Variants in MUC5B observed in about 807,000 individuals in gnomAD.
MUC5B encodes the protein mucin-5B.
In MUC5B, 116 loss-of-function variants were observed where a neutral mutation model predicts 376.9. The observed-to-expected ratio is 0.31, with a 90% CI of 0.26 to 0.36. MUC5B has a LOEUF of 0.36. Ranked by LOEUF, MUC5B falls within the 10% of genes least tolerant of loss-of-function variation. The pLI is 1.00. For missense variants in MUC5B, 7,165 were observed against 7,769.9 expected, an observed-to-expected ratio of 0.92 and a Z score of 2.93; for synonymous variants, 3,517 against 3,390.9, an observed-to-expected ratio of 1.04 and a Z score of -1.29.
At chr11:1,254,474 G>T (rs1034223971) in intron 34 of MUC5B, 123 bp downstream of exon 34, 10 of 1,420,594 alleles carry the variant, frequency 7.0e-6, no homozygotes, top group Non-Finnish European at 9.4e-6. Context: ...CAGCTCCCAG[G>T]GGGCAGGGAA....
chr11:1,225,572 G>C, intron 1 of MUC5B, 109 bp from the exon 2 acceptor site: 2 of 973,750 alleles, frequency 2.1e-6, no homozygotes, highest in African/African-American at 1.6e-5. Flanking sequence ...CCGCCACCAA[G>C]GACCCCACAT....
At chr11:1,225,634 G>T in intron 1 of MUC5B, 47 bp from the exon 2 acceptor site, 1 of 1,536,944 alleles carries the variant, frequency 6.5e-7, no homozygotes, top group Non-Finnish European at 8.8e-7. Flanking sequence ...TTCGTGGCTG[G>T]CAGCCACATC....
chr11:1,261,533 G>A lies in MUC5B; in HGVS notation c.17214G>A (p.Thr5738=), dbSNP rs753651050. ...TYTHVDECGC[T]PFCVPAPMAP... The stretch of plus-strand genomic sequence containing the variant: ...CCCACGTGGATGAGTGTGGCTGCAC[G>A]CCCTTCTGTGTCCCTGCGCCCATGG... The change falls in exon 49 of 49, where the codon ACG becomes ACA. Residue 5738 remains threonine, a synonymous_variant. Transcript: ENST00000529681. The A allele has an allele frequency of 1.6e-5, 25 of 1,607,496 alleles. No homozygotes were observed. Among genetic ancestry groups the A allele is most frequent in the African/African-American group, 4.0e-5 (3 of 74,836 alleles).
chr11:1,239,295 C>A (rs1344372027), intron 26 of MUC5B, 143 bp from the exon 27 acceptor site: 3 of 1,147,450 alleles, frequency 2.6e-6, no homozygotes, highest in Non-Finnish European at 3.6e-6. Flanking sequence ...TGAGGCACCA[C>A]CCGGCCGAGG....
At position 1,260,636 on chromosome 11, in the gene MUC5B, A is replaced by G. The variant is rs372234566; in HGVS notation, c.16977A>G (p.Gln5659=). 1.8e-4 allele frequency: 283 copies of G among 1,612,336 alleles called. No individual in the cohort carries two copies. The highest frequency in any genetic ancestry group is 2.3e-4 in the Non-Finnish European group (268 of 1,179,680). ...CTTTCCTCCTCCCAGACTCCTGTCA[A>G]GTCCGCATCAACACGACCATCCTGT... ...CCYSCEEDSC[Q]VRINTTILWH... Residue 5659 remains glutamine, a synonymous_variant, in exon 48 of 49, where the codon CAA becomes CAG. Transcript: ENST00000529681.
In MUC5B at chr11:1,252,906, C is replaced by A. The variant is rs1219229815; in HGVS notation, c.15143C>A (p.Thr5048Asn). ...GACCCAAAGCCTGTGGCCAACGTCA[C>A]CTGCGTGAACAAGCACCTGCCCATC... ...LLDPKPVANV[T>N]CVNKHLPIKV... Residue 5048 changes from threonine to asparagine, a missense_variant, in exon 33 of 49, where the codon ACC becomes AAC. Physicochemically the swap from Thr to Asn is moderately conservative, Grantham distance 65. Coordinates refer to ENST00000529681, the MANE Select transcript of MUC5B (RefSeq NM_002458.3). The A allele has an allele frequency of 6.2e-7, 1 of 1,612,542 alleles. No homozygotes were observed. Among genetic ancestry groups the A allele is most frequent in the African/African-American group, 1.3e-5 (1 of 74,934 alleles).
intron 4 of MUC5B, 61 bp from the exon 5 acceptor site, chr11:1,226,970 G>A: frequency 5.1e-6 from 8 of 1,561,632 alleles, no homozygotes; most frequent in Non-Finnish European, 7.0e-6. Flanking sequence ...GCTGGGGGGG[G>A]GTTGGGTGGG....
chr11:1,256,236 G>A lies in MUC5B; in HGVS notation c.16136+11G>A, dbSNP rs1401296291. 4.2e-6 allele frequency: 3 copies of A among 722,314 alleles called. No homozygotes were observed. Among genetic ancestry groups the A allele is most frequent in the Admixed American group, 3.9e-5 (2 of 50,696 alleles). 44.7% of individuals were successfully genotyped at this position (722,314 alleles called of 1,614,324 possible). On this transcript the variant is annotated intron_variant, in intron 38 of 48. Coordinates refer to ENST00000529681, the MANE Select transcript of MUC5B (RefSeq NM_002458.3). ...CACCTGCAACTCTAGGTAAGTACAG[G>A]GATGGCTGGTGCCTTCCCTGCCACC...
chr11:1,252,407 C>T lies in MUC5B; in HGVS notation c.14928C>T (p.His4976=). The change falls in exon 32 of 49, where the codon CAC becomes CAT. Residue 4976 remains histidine (H), a synonymous_variant. Coordinates refer to ENST00000529681, the MANE Select transcript of MUC5B (RefSeq NM_002458.3). ...ATTTCTACGCAGTGTGCAATCAGCA[C>T]TGTGACATTGACCGCTTCCAGGGCG... ...GCHFYAVCNQ[H]CDIDRFQGAC... 1.2e-6 allele frequency: 2 copies of T among 1,611,034 alleles called. No individual in the cohort carries two copies. Among genetic ancestry groups the T allele is most frequent in the Non-Finnish European group, 1.7e-6 (2 of 1,178,896 alleles).
chr11:1,236,043 G>T (rs1261730422), intron 23 of MUC5B, among the ~76,000 whole-genome samples: 1 of 152,238 alleles, frequency 6.6e-6, no homozygotes, highest in African/African-American at 2.4e-5. Flanking sequence ...GCAGATGGCG[G>T]GAGGGGCTGA....
intron 1 of MUC5B, 31 bp downstream of exon 1, chr11:1,223,224 TG>T: frequency 1.4e-6 from 1 of 708,268 alleles, no homozygotes. Context: ...CCCCTCTCGA[TG>T]CTGTCTTCAC....
At position 1,254,191 on chromosome 11, in the gene MUC5B, A is replaced by T; in HGVS notation, c.15317A>T (p.His5106Leu). 6.2e-7 allele frequency: 1 copy of T among 1,612,886 alleles called. No individual in the cohort carries two copies. Among genetic ancestry groups the T allele is most frequent in the Non-Finnish European group, 8.5e-7 (1 of 1,179,860 alleles). The change falls in exon 34 of 49, where the codon CAT becomes CTT. Residue 5106 changes from histidine to leucine, a missense_variant. Coordinates refer to ENST00000529681, the MANE Select transcript of MUC5B (RefSeq NM_002458.3). Reference protein sequence around the residue: ...NCTYVLMREIHARFGNLSLYL... With the variant: ...NCTYVLMREILARFGNLSLYL... Reference sequence around the variant, plus strand: ...ACCTATGTCCTCATGAGAGAGATCCATGCACGCTTTGGGAATCTCAGCCTC... The same window carrying T: ...ACCTATGTCCTCATGAGAGAGATCCTTGCACGCTTTGGGAATCTCAGCCTC...
Position 1,247,505 on chromosome 11 carries a change from C to A in MUC5B, c.10625C>A (p.Thr3542Lys). The change falls in exon 31 of 49, where the codon ACA (threonine) becomes AAA (lysine). Residue 3542 changes from threonine to lysine, a missense_variant. Thr to Lys is a moderately conservative substitution (Grantham distance 78). Coordinates refer to ENST00000529681, the MANE Select transcript of MUC5B (RefSeq NM_002458.3). ...AGGGGCACCTCCAGGACCACAGCCA[C>A]AGCCACACCCAGCAAGACCCGCACC... is the stretch of plus-strand genomic sequence containing the variant. ...HTRGTSRTTA[T>K]ATPSKTRTST... The A allele has an allele frequency of 6.2e-7, 1 of 1,608,612 alleles. No individual in the cohort carries two copies. The highest frequency in any genetic ancestry group is 8.5e-7 in the Non-Finnish European group (1 of 1,177,758).
rs1862978151 is a variant in MUC5B, at chr11:1,260,858, C to T, written c.17069+130C>T. ...AGCTCCAGGAAGGAGGGAAGGGGCT[C>T]CCCAGCAGGGCTCCCCCTCTCCACG... On this transcript the variant is annotated intron_variant, in intron 48 of 48. Coordinates refer to ENST00000529681, the MANE Select transcript of MUC5B (RefSeq NM_002458.3). 4 of 684,740 alleles carry T rather than the reference C, an allele frequency of 5.8e-6. No individual in the cohort carries two copies. The South Asian group carries it at 7.0e-5, about 12-fold the overall frequency. 42.4% of individuals were successfully genotyped at this position (684,740 alleles called of 1,614,324 possible). A position where few individuals can be genotyped will look rare whatever the true frequency, so the allele number is the denominator to read the frequency against.
Position 1,261,173 on chromosome 11 carries a change from G to A in MUC5B, c.17070-216G>A, listed in dbSNP as rs55636139. Among the ~76,000 whole-genome samples the A allele has an allele frequency of 8.5e-5, 13 of 152,352 alleles. 1 individual carries two copies. In the East Asian group the frequency reaches 2.5e-3, roughly 29 times the overall value. On this transcript the variant is annotated intron_variant, in intron 48 of 48. Coordinates refer to ENST00000529681, the MANE Select transcript of MUC5B (RefSeq NM_002458.3). ...GCTGGTTCAGACAGGGGAAGTGCAG[G>A]CCACAGAAGACAGAGCCGGGAGCCA...
In MUC5B at chr11:1,257,579, G is replaced by T; in HGVS notation, c.16319G>T (p.Gly5440Val). 1.9e-6 allele frequency: 3 copies of T among 1,607,244 alleles called. No homozygotes were observed. The highest frequency in any genetic ancestry group is 8.5e-7 in the Non-Finnish European group (1 of 1,179,706). ...SNCQSCVCDEGSVSVQCKPLP... is the reference protein window; with the variant it reads ...SNCQSCVCDEVSVSVQCKPLP... ...TGCCAGTCCTGCGTGTGTGACGAGG[G>T]TTCAGTGTCGGTGCAGTGCAAGCCC... Residue 5440 changes from glycine to valine, a missense_variant, in exon 41 of 49, where the codon GGT becomes GTT. Physicochemically the swap from Gly to Val is moderately radical, Grantham distance 109. This residue lies in a region of MUC5B where 842 missense variants were observed against 1,016.9 expected (regional missense o/e 0.83). Coordinates refer to ENST00000529681, the MANE Select transcript of MUC5B (RefSeq NM_002458.3). This position sits in a 1 kb window ranked among gnomAD's most constrained non-coding sequence, Gnocchi z 8.9.
chr11:1,232,179 C>G lies in MUC5B; in HGVS notation c.1843+19C>G, dbSNP rs1245940070. 7 of 1,567,694 alleles carry G rather than the reference C, an allele frequency of 4.5e-6. No individual in the cohort carries two copies. The South Asian group carries it at 7.3e-5, about 16-fold the overall frequency. On this transcript the variant is annotated intron_variant, in intron 15 of 48. Coordinates refer to ENST00000529681, the MANE Select transcript of MUC5B (RefSeq NM_002458.3). ...GAGAATGGTACTCCTCGCCCCCACC[C>G]CCACAGTCACCCCAGGCTCAAGTCC...
intron 12 of MUC5B, 103 bp downstream of exon 12, chr11:1,230,703 C>A: frequency 9.4e-7 from 1 of 1,060,436 alleles, no homozygotes; most frequent in Non-Finnish European, 1.4e-6. Flanking sequence ...AGGCCAGGTC[C>A]CCCCTCCAGC....
At chr11:1,225,603 G>A (rs971717550) in intron 1 of MUC5B, 78 bp from the exon 2 acceptor site, 3 of 1,345,306 alleles carry the variant, frequency 2.2e-6, no homozygotes, top group African/African-American at 1.5e-5. Flanking sequence ...CACCAGGGAT[G>A]TGGCCAGGTC....
Sources: allele counts gnomAD v4.1 joint callset (sites outside exome capture counted in the v4.1 genomes callset), GRCh38; gene constraint gnomAD v4.1.1; regional missense constraint gnomAD v4.1.1; non-coding constraint Gnocchi (gnomAD v3.1); transcripts MANE v1.5; gene names NCBI Gene and HGNC (gene_info 2026-07-23, HGNC 2026-07-21).